Variants in SERPINB12 observed in about 807,000 individuals in gnomAD.
The protein encoded by SERPINB12 is serpin family B member 12.
In SERPINB12, 57 loss-of-function variants were observed where a neutral mutation model predicts 41.1. That is an observed-to-expected ratio of 1.39 (90% confidence interval 1.12 to 1.73). The LOEUF (loss-of-function observed/expected upper bound fraction) is 1.73, where lower values mean the gene tolerates loss of function less well. SERPINB12 is among the 40% of genes most tolerant of loss of function. The pLI, the probability that SERPINB12 is intolerant of heterozygous loss-of-function variation, is 0.00. For missense variants in SERPINB12, 536 were observed against 501.9 expected (o/e 1.07, Z -0.65); for synonymous variants, 180 against 181.3 (o/e 0.99, Z 0.06).
chr18:63,558,181 A>G (rs148035243), intron 2 of SERPINB12, among the ~76,000 whole-genome samples, 171 bp from the exon 3 acceptor site: 289 of 152,274 alleles, frequency 1.9e-3, no homozygotes, highest in African/African-American at 6.7e-3. Context: ...CTTCTCCTCG[A>G]TTCCACCTCC....
chr18:63,534,904 G>T, the SERPINB12 span, among the ~76,000 whole-genome samples: 98 of 152,250 alleles, frequency 6.4e-4, no homozygotes, highest in African/African-American at 2.3e-3. Context: ...CAACAAAAGA[G>T]TGCAGACCAC....
At chr18:63,530,134 G>A in the SERPINB12 span, among the ~76,000 whole-genome samples, 1 of 152,168 alleles carries the variant, frequency 6.6e-6, no homozygotes, top group Non-Finnish European at 1.5e-5. Context: ...ACCTGGGTAT[G>A]TAATGTCCCA....
chr18:63,559,321 G>A (rs968117649), intron 3 of SERPINB12, among the ~76,000 whole-genome samples: 8 of 151,964 alleles, frequency 5.3e-5, no homozygotes, highest in Non-Finnish European at 8.8e-5. Flanking sequence ...TATAGTGAGC[G>A]TTGCTGAGTT....
chr18:63,566,506 T>A (rs2077549), intron 7 of SERPINB12, 101 bp from the exon 8 acceptor site: 1 of 980,240 alleles, frequency 1.0e-6, no homozygotes, highest in South Asian at 1.6e-5. Context: ...TCTTGAAGGT[T>A]GTCACTGCCC....
the SERPINB12 span, among the ~76,000 whole-genome samples, chr18:63,533,417 A>T: frequency 6.6e-6 from 1 of 152,372 alleles, no homozygotes; most frequent in South Asian, 2.1e-4. Context: ...CTGTCCTCCC[A>T]TACAATTCTC....
the SERPINB12 span, among the ~76,000 whole-genome samples, chr18:63,532,606 T>C: frequency 1.3e-5 from 2 of 152,238 alleles, no homozygotes; most frequent in South Asian, 2.1e-4. Flanking sequence ...TACTCTACGG[T>C]TTTGTCTTAC....
chr18:63,551,404 C>G (rs1323013985), intron 1 of SERPINB12, among the ~76,000 whole-genome samples: 1 of 151,970 alleles, frequency 6.6e-6, no homozygotes, highest in African/African-American at 2.4e-5. Flanking sequence ...CAGCTCACTG[C>G]AACCTCTGCC....
At chr18:63,537,795 T>A (rs112900180), upstream of SERPINB12, among the ~76,000 whole-genome samples, 148 of 152,272 alleles carry the variant, frequency 9.7e-4, 1 homozygote, top group African/African-American at 3.4e-3. Context: ...TGACTAATCT[T>A]CAGAAACCAT....
the SERPINB12 span, among the ~76,000 whole-genome samples, chr18:63,525,476 A>G: frequency 6.6e-6 from 1 of 152,142 alleles, no homozygotes; most frequent in Non-Finnish European, 1.5e-5. Context: ...ATAGTTAACA[A>G]TTTTATTAAT....
the SERPINB12 span, among the ~76,000 whole-genome samples, chr18:63,534,015 C>T: frequency 2.0e-5 from 3 of 152,196 alleles, no homozygotes; most frequent in African/African-American, 7.2e-5. Flanking sequence ...ACAAACACTG[C>T]TCTGGGTAGA....
the SERPINB12 span, among the ~76,000 whole-genome samples, chr18:63,519,310 G>C: frequency 6.6e-6 from 1 of 152,174 alleles, no homozygotes; most frequent in Non-Finnish European, 1.5e-5. Context: ...GCTCTGCAAA[G>C]TGCTTATAAA....
intron 5 of SERPINB12, 103 bp downstream of exon 5, chr18:63,561,305 C>T (rs1910902502): frequency 1.4e-6 from 1 of 701,056 alleles, no homozygotes; most frequent in Non-Finnish European, 2.6e-6. Context: ...GCCAGAGGTT[C>T]ACATATGTGG....
At chr18:63,549,325 T>A (rs1367262320) in intron 1 of SERPINB12, among the ~76,000 whole-genome samples, 3 of 152,190 alleles carry the variant, frequency 2.0e-5, no homozygotes, top group Admixed American at 2.0e-4. Context: ...GAGAATAAAA[T>A]TCCTTCTTCT....
intron 1 of SERPINB12, among the ~76,000 whole-genome samples, chr18:63,551,721 T>G (rs1910535804): frequency 6.6e-6 from 1 of 152,254 alleles, no homozygotes; most frequent in Admixed American, 6.5e-5. Flanking sequence ...GCTACATACC[T>G]TTGAGAAATC....
intron 7 of SERPINB12, among the ~76,000 whole-genome samples, chr18:63,565,946 A>C (rs965169823): frequency 2.0e-5 from 3 of 152,122 alleles, no homozygotes. Context: ...CCTCTTACTC[A>C]TACCATTTTT....
chr18:63,546,116 C>T (rs1910381616), intron 1 of SERPINB12, among the ~76,000 whole-genome samples: 1 of 152,182 alleles, frequency 6.6e-6, no homozygotes, highest in Admixed American at 6.5e-5. Flanking sequence ...AATTTCTCTA[C>T]ACCTAATGTA....
chr18:63,563,898 A>C, intron 5 of SERPINB12, 80 bp from the exon 6 acceptor site: 1 of 1,016,846 alleles, frequency 9.8e-7, no homozygotes, highest in Admixed American at 4.0e-5. Flanking sequence ...CTCTGTCTCA[A>C]AAAAAAAAAA....
rs758076965 is a variant in SERPINB12, at chr18:63,567,059, C to A, written c.*48C>A. On this transcript the variant is annotated 3_prime_UTR_variant, in exon 8 of 8. Transcript: ENST00000382768. ...TTGGAGCTGGAGGAAAATATCAATA[C>A]AATCTTCCCCTGGCATAAGATGGGC... 3.9e-5 allele frequency: 58 copies of A among 1,500,790 alleles called. No individual in the cohort carries two copies. The highest frequency in any genetic ancestry group is 9.1e-5 in the East Asian group (4 of 43,836). 93.0% of individuals were successfully genotyped at this position (1,500,790 alleles called of 1,614,324 possible).
chr18:63,534,124 G>A, the SERPINB12 span, among the ~76,000 whole-genome samples: 2 of 152,030 alleles, frequency 1.3e-5, no homozygotes, highest in Admixed American at 6.6e-5. Flanking sequence ...ATTAATCCCT[G>A]TCACTCAACT....
Sources: gnomAD v4.1 joint callset for allele counts (sites outside exome capture counted in the v4.1 genomes callset) on GRCh38, gnomAD v4.1.1 for gene constraint, MANE v1.5 for transcripts, NCBI Gene and HGNC (gene_info 2026-07-23, HGNC 2026-07-21) for gene names.